The following USP45 variants were observed in gnomAD, a reference collection of about 807,000 sequenced individuals.
USP45 encodes ubiquitin carboxyl-terminal hydrolase 45.
A neutral mutation model predicts 95.8 loss-of-function variants in USP45; 89 were observed. The ratio of observed to expected loss-of-function variants is 0.93; its 90% CI spans 0.78 to 1.11. The LOEUF (loss-of-function observed/expected upper bound fraction) is 1.11, where lower values mean the gene tolerates loss of function less well. Among genes scored for constraint, USP45 ranks in the 50% least tolerant of loss-of-function variants. The pLI is 0.00. For synonymous variants in USP45, 281 were observed against 316.2 expected, an observed-to-expected ratio of 0.89 and a Z score of 1.18; for missense variants, 898 against 942.5, an observed-to-expected ratio of 0.95 and a Z score of 0.62.
chr6:99,480,394 G>A (rs1259758520), intron 8 of USP45, among the ~76,000 whole-genome samples: 2 of 152,126 alleles, frequency 1.3e-5, no homozygotes, highest in Admixed American at 6.5e-5. Context: ...GCAAAGGACC[G>A]GCCAGGCGCA....
rs1156966500 is a variant in USP45, at chr6:99,432,726, T to C, written c.*2990A>G. ...ATTGCACATATTTGGTTTAGGCTTA[T>C]TTGATCAATACATGCAGAAAAATAA... On this transcript the variant is annotated 3_prime_UTR_variant, in exon 18 of 18. Transcript: ENST00000500704. 1.3e-5 allele frequency: 2 copies of C among 152,630 alleles called. No homozygotes were observed. The highest frequency in any genetic ancestry group is 2.9e-5 in the Non-Finnish European group (2 of 68,038). 9.5% of individuals were successfully genotyped at this position (152,630 alleles called of 1,614,324 possible). A position where few individuals can be genotyped will look rare whatever the true frequency, so the allele number is the denominator to read the frequency against.
At chr6:99,441,321 C>T in intron 15 of USP45, among the ~76,000 whole-genome samples, 1 of 152,140 alleles carries the variant, frequency 6.6e-6, no homozygotes, top group East Asian at 1.9e-4. Flanking sequence ...CACCTGAGGT[C>T]AGGAGTTCAA....
At chr6:99,489,184 G>A (rs563609484) in intron 5 of USP45, among the ~76,000 whole-genome samples, 5 of 152,260 alleles carry the variant, frequency 3.3e-5, no homozygotes, top group Non-Finnish European at 5.9e-5. Flanking sequence ...CTTAACCCAG[G>A]GTAGCAAAGA....
At chr6:99,474,843 C>T (rs1344660628) in intron 9 of USP45, among the ~76,000 whole-genome samples, 1 of 152,102 alleles carries the variant, frequency 6.6e-6, no homozygotes, top group Non-Finnish European at 1.5e-5. Flanking sequence ...ATAAACTGAT[C>T]CTATGTGCAC....
chr6:99,452,521 G>C (rs1784116056), intron 13 of USP45, among the ~76,000 whole-genome samples: 1 of 152,134 alleles, frequency 6.6e-6, no homozygotes, highest in South Asian at 2.1e-4. Flanking sequence ...AAAAAGTCAG[G>C]AAACAACAGG....
chr6:99,443,651 CTACTTTCTTTTCTACATAAAA>C lies in USP45; in HGVS notation c.1976-10_1986del. 1 of 1,586,102 alleles carries C rather than the reference CTACTTTCTTTTCTACATAAAA, an allele frequency of 6.3e-7. No homozygotes were observed. Among genetic ancestry groups the C allele is most frequent in the Non-Finnish European group, 8.6e-7 (1 of 1,164,770 alleles). On this transcript the variant is annotated splice_acceptor_variant and splice_polypyrimidine_tract_variant and coding_sequence_variant and intron_variant, in exon 15 of 18. Coordinates refer to ENST00000500704, the MANE Select transcript of USP45 (RefSeq NM_001346022.3). LOFTEE classifies it high-confidence loss of function. Reference sequence around the variant, plus strand: ...TTCCTGGCATTAGTATAAACTCCTTCTACTTTCTTTTCTACATAAAATACAATAAATTTATTTATAAAATTC... The same window carrying C: ...TTCCTGGCATTAGTATAAACTCCTTCTACAATAAATTTATTTATAAAATTC...
chr6:99,498,405 C>G (rs1271739080), intron 5 of USP45, among the ~76,000 whole-genome samples: 2 of 152,096 alleles, frequency 1.3e-5, no homozygotes, highest in African/African-American at 4.8e-5. Flanking sequence ...CTTAAGGAAC[C>G]TACAGTCTTG....
intron 13 of USP45, among the ~76,000 whole-genome samples, chr6:99,450,127 A>G (rs974551729): frequency 6.6e-6 from 1 of 152,194 alleles, no homozygotes; most frequent in Non-Finnish European, 1.5e-5. Flanking sequence ...AGAACTAGAG[A>G]AGCAAGAGCA....
At chr6:99,466,906 C>T (rs1370334929) in intron 10 of USP45, 143 bp from the exon 11 acceptor site, 1 of 607,200 alleles carries the variant, frequency 1.6e-6, no homozygotes, top group African/African-American at 1.9e-5. Context: ...ATACATACAA[C>T]ATTCTAAAGT....
intron 7 of USP45, among the ~76,000 whole-genome samples, chr6:99,483,682 C>CA (rs1160384808): frequency 6.7e-6 from 1 of 149,496 alleles, no homozygotes; most frequent in Non-Finnish European, 1.5e-5. Context: ...ACTAAAAATA[C>CA]AAAAAATTAG....
At chr6:99,481,758 T>C (rs565728742) in intron 8 of USP45, among the ~76,000 whole-genome samples, 2 of 152,300 alleles carry the variant, frequency 1.3e-5, no homozygotes, top group Non-Finnish European at 2.9e-5. Context: ...TATGAGAACA[T>C]GTGGTATCTG....
intron 14 of USP45, among the ~76,000 whole-genome samples, chr6:99,444,648 G>A (rs9402794): frequency 0.43 from 65,732 of 151,972 alleles, 15,296 homozygotes; most frequent in East Asian, 0.88. Context: ...CTGATAACTA[G>A]AGACAGCTCC....
At chr6:99,448,961 C>A (rs59158090) in intron 13 of USP45, among the ~76,000 whole-genome samples, 1 of 152,096 alleles carries the variant, frequency 6.6e-6, no homozygotes, top group Non-Finnish European at 1.5e-5. Flanking sequence ...CCTTTACAGA[C>A]AAGCAAATGC....
intron 5 of USP45, among the ~76,000 whole-genome samples, chr6:99,499,778 T>A (rs1797012453): frequency 6.6e-6 from 1 of 152,218 alleles, no homozygotes; most frequent in Admixed American, 6.5e-5. Flanking sequence ...CCAAAGTTCA[T>A]CCTTTAAGGG....
Position 99,438,022 on chromosome 6 carries a change from C to T in USP45, c.2161-623G>A, listed in dbSNP as rs74759250. On this transcript the variant is annotated intron_variant, in intron 16 of 17. Coordinates refer to ENST00000500704, the MANE Select transcript of USP45 (RefSeq NM_001346022.3). ...TGTATTACTCTTGGATTCATTAATC[C>T]TTTTTCTAGGATTTGATCCCACAAA... Among the ~76,000 whole-genome samples the T allele has an allele frequency of 5.7e-4, 87 of 152,274 alleles. No homozygotes were observed. In the East Asian group the frequency reaches 0.016, roughly 28 times the overall value.
chr6:99,476,017 A>T, intron 9 of USP45, 126 bp downstream of exon 9: 1 of 717,242 alleles, frequency 1.4e-6, no homozygotes, highest in Non-Finnish European at 2.3e-6. Context: ...AGGTTTCACT[A>T]TGTTGGCTAG....
chr6:99,477,353 G>A (rs1791114318), intron 8 of USP45, among the ~76,000 whole-genome samples: 1 of 151,962 alleles, frequency 6.6e-6, no homozygotes, highest in Non-Finnish European at 1.5e-5. Context: ...ACCTAGGCTG[G>A]AGTGCAGTGG....
intron 8 of USP45, among the ~76,000 whole-genome samples, chr6:99,479,568 A>C (rs1791807084): frequency 1.3e-5 from 2 of 148,286 alleles, no homozygotes; most frequent in African/African-American, 5.0e-5. Context: ...GCTAGCCAGA[A>C]TATCCACCAA....
chr6:99,444,941 A>G (rs1170107863), intron 14 of USP45, among the ~76,000 whole-genome samples: 1 of 152,196 alleles, frequency 6.6e-6, no homozygotes, highest in African/African-American at 2.4e-5. Flanking sequence ...CTACATTTTA[A>G]AACAAGTAGT....
Sources: gnomAD v4.1 joint callset for allele counts (sites outside exome capture counted in the v4.1 genomes callset) on GRCh38, gnomAD v4.1.1 for gene constraint, MANE v1.5 for transcripts, NCBI Gene and HGNC (gene_info 2026-07-23, HGNC 2026-07-21) for gene names.